Variants in ARK2C observed in about 807,000 individuals in gnomAD.
ARK2C encodes the protein E3 ubiquitin-protein ligase ARK2C.
chr18:46,372,231 A>C, the ARK2C span, among the ~76,000 whole-genome samples: 4 of 151,892 alleles, frequency 2.6e-5, no homozygotes, highest in African/African-American at 9.7e-5. Flanking sequence ...GGATGCTATC[A>C]GGTTGGCAGC....
the ARK2C span, among the ~76,000 whole-genome samples, chr18:46,424,210 G>A: frequency 6.6e-6 from 1 of 152,226 alleles, no homozygotes; most frequent in Admixed American, 6.5e-5. Flanking sequence ...GGGTAGTCAG[G>A]GTTGGACAGG....
chr18:46,392,793 C>T, the ARK2C span, among the ~76,000 whole-genome samples: 3 of 152,312 alleles, frequency 2.0e-5, no homozygotes, highest in East Asian at 3.9e-4. Flanking sequence ...GTGTGAGGAA[C>T]ACGCATGCAG....
chr18:46,445,668 C>G, the ARK2C span, among the ~76,000 whole-genome samples: 129 of 152,326 alleles, frequency 8.5e-4, 1 homozygote, highest in East Asian at 0.02. Flanking sequence ...AGTTCTCTCC[C>G]TGCTCATGGT....
the ARK2C span, among the ~76,000 whole-genome samples, chr18:46,406,359 C>T: frequency 1.3e-5 from 2 of 152,244 alleles, no homozygotes; most frequent in African/African-American, 2.4e-5. Flanking sequence ...CAGCCTCTTA[C>T]TGCCATTGCC....
chr18:46,372,485 A>T, the ARK2C span, among the ~76,000 whole-genome samples: 1 of 152,204 alleles, frequency 6.6e-6, no homozygotes, highest in Non-Finnish European at 1.5e-5. Flanking sequence ...CATCTCAATG[A>T]ACCCCATGTG....
the ARK2C span, among the ~76,000 whole-genome samples, chr18:46,343,100 G>A: frequency 3.3e-5 from 5 of 152,214 alleles, no homozygotes. Context: ...AATGCCATAG[G>A]TTCTAGGCCG....
the ARK2C span, among the ~76,000 whole-genome samples, chr18:46,408,938 T>C: frequency 6.6e-6 from 1 of 152,222 alleles, no homozygotes; most frequent in Non-Finnish European, 1.5e-5. Context: ...CCCTGTTCAT[T>C]GCCTAGCTGC....
the ARK2C span, among the ~76,000 whole-genome samples, chr18:46,353,315 A>T: frequency 6.6e-6 from 1 of 152,106 alleles, no homozygotes; most frequent in Non-Finnish European, 1.5e-5. Context: ...AGAGACGGGG[A>T]TGTCATCGTG....
At chr18:46,428,646 G>A in the ARK2C span, among the ~76,000 whole-genome samples, 20 of 152,284 alleles carry the variant, frequency 1.3e-4, no homozygotes, top group Admixed American at 1.3e-3. Flanking sequence ...ATTGACATGT[G>A]TGGCAAGTAC....
the ARK2C span, among the ~76,000 whole-genome samples, chr18:46,419,788 G>T: frequency 6.6e-6 from 1 of 152,122 alleles, no homozygotes; most frequent in Non-Finnish European, 1.5e-5. Flanking sequence ...ATGGGATCTG[G>T]CAGCTCCAAG....
chr18:46,415,662 A>G, the ARK2C span, among the ~76,000 whole-genome samples: 1 of 152,198 alleles, frequency 6.6e-6, no homozygotes, highest in Admixed American at 6.5e-5. Context: ...GGAATCAAAC[A>G]GGCTCCAGAT....
chr18:46,403,630 C>T, the ARK2C span, among the ~76,000 whole-genome samples: 1 of 152,126 alleles, frequency 6.6e-6, no homozygotes, highest in Non-Finnish European at 1.5e-5. Flanking sequence ...GTAATCCCAG[C>T]ACTTTGGGAG....
the ARK2C span, among the ~76,000 whole-genome samples, chr18:46,342,135 T>A: frequency 6.6e-6 from 1 of 152,186 alleles, no homozygotes; most frequent in Non-Finnish European, 1.5e-5. Context: ...GAGGAGTTAA[T>A]TGAGAATCAG....
chr18:46,352,041 C>T, the ARK2C span, among the ~76,000 whole-genome samples: 1 of 152,296 alleles, frequency 6.6e-6, no homozygotes, highest in South Asian at 2.1e-4. Flanking sequence ...GGTGGCCTGG[C>T]AGACCCTGTC....
At chr18:46,442,080 G>C in the ARK2C span, among the ~76,000 whole-genome samples, 7 of 149,950 alleles carry the variant, frequency 4.7e-5, no homozygotes, top group African/African-American at 1.7e-4. Flanking sequence ...GGAGAATGGC[G>C]TGAACCCGGG....
the ARK2C span, among the ~76,000 whole-genome samples, chr18:46,397,360 G>C: frequency 6.6e-6 from 1 of 152,180 alleles, no homozygotes; most frequent in Non-Finnish European, 1.5e-5. Flanking sequence ...ACTAGGAACA[G>C]GGAAGGGTGC....
At chr18:46,456,869 G>A in the ARK2C span, 2 of 513,314 alleles carry the variant, frequency 3.9e-6, no homozygotes, top group Non-Finnish European at 7.1e-6. Context: ...GCAGGAGAGA[G>A]GGAGCTGGCG....
At chr18:46,345,829 C>T in the ARK2C span, among the ~76,000 whole-genome samples, 1 of 152,206 alleles carries the variant, frequency 6.6e-6, no homozygotes, top group Admixed American at 6.5e-5. Context: ...GGTGGCTATA[C>T]ACTCCTCTGG....
At chr18:46,447,364 C>G in the ARK2C span, 429 of 608,170 alleles carry the variant, frequency 7.1e-4, 2 homozygotes, top group African/African-American at 6.1e-3. Context: ...CTCCTTCAGA[C>G]CTTTCAGAGT....
Sources: gnomAD v4.1 joint callset for allele counts (sites outside exome capture counted in the v4.1 genomes callset) on GRCh38, gnomAD v4.1.1 for gene constraint, MANE v1.5 for transcripts, NCBI Gene and HGNC (gene_info 2026-07-23, HGNC 2026-07-21) for gene names.